The following ANKRD50 variants were observed in gnomAD, a reference collection of about 807,000 sequenced individuals.
The protein encoded by ANKRD50 is ankyrin repeat domain 50.
In ANKRD50, 40 loss-of-function variants were observed where a neutral mutation model predicts 112.0. The ratio of observed to expected loss-of-function variants is 0.36; its 90% CI spans 0.28 to 0.46. ANKRD50 has a LOEUF of 0.46. Ranked by LOEUF, ANKRD50 falls within the 20% of genes least tolerant of loss-of-function variation. The pLI is 1.00. For missense variants in ANKRD50, 1,487 were observed against 1,701.7 expected (o/e 0.87, Z 2.22); for synonymous variants, 613 against 619.1 (o/e 0.99, Z 0.15).
chr4:124,701,869 C>A (rs1317116809), intron 2 of ANKRD50, among the ~76,000 whole-genome samples: 1 of 151,254 alleles, frequency 6.6e-6, no homozygotes, highest in African/African-American at 2.4e-5. Context: ...TCATAAAAAT[C>A]AAACCATTTT....
rs10018651 is a variant in ANKRD50, at chr4:124,670,910, C to A, written c.2367G>T (p.Ala789=). 0.23 allele frequency: 372,072 copies of A among 1,613,542 alleles called. 44,441 individuals are homozygous for A. The highest frequency in any genetic ancestry group is 0.37 in the African/African-American group (27,563 of 74,856). Residue 789 remains alanine, a synonymous_variant, in exon 4 of 5, where the codon GCG becomes GCT. Transcript: ENST00000504087. The part of the protein sequence containing the change: ...NNGRTPLLAA[A]SMGHASVVNT... ...TTACAACTGATGCATGACCCATAGA[C>A]GCTGCTGCTAAGAGGGGTGTACGGC...
At chr4:124,711,658 G>C (rs1324510668) in intron 1 of ANKRD50, among the ~76,000 whole-genome samples, 1 of 151,886 alleles carries the variant, frequency 6.6e-6, no homozygotes, top group African/African-American at 2.4e-5. Context: ...ACACAGTCCA[G>C]TCAGTCAAGG....
At chr4:124,689,747 G>C (rs975138309) in intron 2 of ANKRD50, among the ~76,000 whole-genome samples, 2 of 152,158 alleles carry the variant, frequency 1.3e-5, no homozygotes, top group Non-Finnish European at 2.9e-5. Context: ...TGGGTTTGCA[G>C]CTTGTTGACT....
At chr4:124,687,955 C>G (rs191701199) in intron 2 of ANKRD50, among the ~76,000 whole-genome samples, 1 of 152,192 alleles carries the variant, frequency 6.6e-6, no homozygotes, top group Non-Finnish European at 1.5e-5. Flanking sequence ...GTTAAAGATA[C>G]ACCTACTACA....
At position 124,671,161 on chromosome 4, in the gene ANKRD50, C is replaced by A; in HGVS notation, c.2116G>T (p.Glu706Ter). 1 of 1,613,938 alleles carries A rather than the reference C, an allele frequency of 6.2e-7. No homozygotes were observed. Among genetic ancestry groups the A allele is most frequent in the Non-Finnish European group, 8.5e-7 (1 of 1,179,880 alleles). Residue 706 changes from glutamate (E) to a stop codon, truncating the protein, a stop_gained, in exon 4 of 5, where the codon GAG (glutamate) becomes TAG (stop). Coordinates refer to ENST00000504087, the MANE Select transcript of ANKRD50 (RefSeq NM_020337.3). LOFTEE classifies it high-confidence loss of function. ...AGTGCAGTCCTGCCATCAACATCCT[C>A]ATGATTTACTTCTGCTCCATGGTCC... ...LLDHGAEVNH[E>*]DVDGRTALSV...
chr4:124,674,139 C>G (rs1038179952), intron 3 of ANKRD50, among the ~76,000 whole-genome samples: 1 of 151,798 alleles, frequency 6.6e-6, no homozygotes, highest in Admixed American at 6.6e-5. Context: ...AAGGGAAATA[C>G]CTAGTACATT....
chr4:124,692,933 C>T (rs1191681695), intron 2 of ANKRD50, among the ~76,000 whole-genome samples: 2 of 152,148 alleles, frequency 1.3e-5, no homozygotes, highest in African/African-American at 2.4e-5. Context: ...TTATCCCTCA[C>T]CCAAATCCTG....
intron 2 of ANKRD50, among the ~76,000 whole-genome samples, chr4:124,693,566 T>C (rs1560828186): frequency 2.0e-5 from 3 of 152,162 alleles, no homozygotes; most frequent in South Asian, 4.1e-4. Flanking sequence ...TTTATTCAGT[T>C]ACCCCTTATA....
intron 2 of ANKRD50, among the ~76,000 whole-genome samples, chr4:124,696,555 C>T (rs1000393398): frequency 6.6e-6 from 1 of 152,006 alleles, no homozygotes; most frequent in East Asian, 1.9e-4. Context: ...TACCAAGAAA[C>T]CACATTTTGG....
chr4:124,690,129 CA>C (rs1203985007), intron 2 of ANKRD50, among the ~76,000 whole-genome samples: 3 of 152,004 alleles, frequency 2.0e-5, no homozygotes, highest in Non-Finnish European at 2.9e-5. Flanking sequence ...CAAAAACAAA[CA>C]AAAAATTCAT....
At chr4:124,687,602 G>T (rs535706248) in intron 2 of ANKRD50, among the ~76,000 whole-genome samples, 2 of 152,210 alleles carry the variant, frequency 1.3e-5, no homozygotes, top group Admixed American at 1.3e-4. Flanking sequence ...AAGACTGGGA[G>T]AAAATATTCG....
At chr4:124,690,093 C>T (rs117288902) in intron 2 of ANKRD50, among the ~76,000 whole-genome samples, 1,528 of 152,136 alleles carry the variant, frequency 0.01, 48 homozygotes, top group East Asian at 0.08. Context: ...AATTAAGCTG[C>T]TACCAAAGGA....
In ANKRD50 at chr4:124,678,696, G is replaced by C. The variant is rs1411915246; in HGVS notation, c.722C>G (p.Ala241Gly). The C allele has an allele frequency of 6.2e-7, 1 of 1,613,502 alleles. No homozygotes were observed. The highest frequency in any genetic ancestry group is 8.5e-7 in the Non-Finnish European group (1 of 1,179,536). The stretch of plus-strand genomic sequence containing the variant: ...CTTACCAGTAAACATTTTAGTAACA[G>C]CCTTACTCTGCTTTCGGGCAGAACA... ...LLCSARKQSK[A>G]VTKMFTGFRK... Residue 241 changes from alanine (A) to glycine (G), a missense_variant, in exon 3 of 5, where the codon GCT (alanine) becomes GGT (glycine). Ala to Gly is a moderately conservative substitution (Grantham distance 60). This residue lies in a region of ANKRD50 where 1,046 missense variants were observed against 1,269.5 expected (regional missense o/e 0.82). Coordinates refer to ENST00000504087, the MANE Select transcript of ANKRD50 (RefSeq NM_020337.3).
chr4:124,706,760 C>T (rs1208879614), intron 2 of ANKRD50, among the ~76,000 whole-genome samples: 2 of 152,062 alleles, frequency 1.3e-5, no homozygotes, highest in Non-Finnish European at 2.9e-5. Flanking sequence ...CATCTGATAA[C>T]TCTCAACCTA....
In ANKRD50 at chr4:124,665,745, C is replaced by G. The variant is rs1416389638; in HGVS notation, c.*1773G>C. ...TTGAGTTATTAATATTGCCATGTCACCTTAATATCAATTGAACTTATCAAC... is the reference window on the plus strand; with the variant it reads ...TTGAGTTATTAATATTGCCATGTCAGCTTAATATCAATTGAACTTATCAAC... On this transcript the variant is annotated 3_prime_UTR_variant, in exon 5 of 5. Coordinates refer to ENST00000504087, the MANE Select transcript of ANKRD50 (RefSeq NM_020337.3). 2 of 152,278 alleles carry G rather than the reference C, an allele frequency of 1.3e-5. No individual in the cohort carries two copies. The highest frequency in any genetic ancestry group is 2.4e-5 in the African/African-American group (1 of 41,386). 9.4% of individuals were successfully genotyped at this position (152,278 alleles called of 1,614,324 possible).
At position 124,670,054 on chromosome 4, in the gene ANKRD50, C is replaced by G; in HGVS notation, c.3223G>C (p.Asp1075His). ...CGCATAGCAGTGCGTCCAAATTGAT[C>G]AGCATGGTTTGGATCAGCACCATGC... Reference protein sequence around the residue: ...LEHGADPNHADQFGRTAMRVA... With the variant: ...LEHGADPNHAHQFGRTAMRVA... The change falls in exon 4 of 5, where the codon GAT becomes CAT. Residue 1075 changes from aspartate to histidine, a missense_variant. By Grantham distance (81) the Asp-to-His change is moderately conservative. Transcript: ENST00000504087. 1.2e-6 allele frequency: 2 copies of G among 1,611,942 alleles called. No individual in the cohort carries two copies. Among genetic ancestry groups the G allele is most frequent in the Non-Finnish European group, 1.7e-6 (2 of 1,179,442 alleles).
At chr4:124,691,987 T>C (rs193237898) in intron 2 of ANKRD50, among the ~76,000 whole-genome samples, 315 of 152,304 alleles carry the variant, frequency 2.1e-3, no homozygotes, top group African/African-American at 7.3e-3. Context: ...CCTGACGTCA[T>C]GGGACAAGCC....
At position 124,671,223 on chromosome 4, in the gene ANKRD50, G is replaced by A. The variant is rs1279958575; in HGVS notation, c.2054C>T (p.Ala685Val). ...CACAATCTCTCTATGTCCCATGTAT[G>A]CTGCTGCTATCAAAGCAGTTCTACC... ...NEGRTALIAA[A>V]YMGHREIVEH... Residue 685 changes from alanine (A) to valine (V), a missense_variant, in exon 4 of 5, where the codon GCA (alanine) becomes GTA (valine). Ala to Val is a moderately conservative substitution (Grantham distance 64). Around this residue, in one of 2 missense-constraint regions of ANKRD50, gnomAD observed 1,046 missense variants for 1,269.5 expected, o/e 0.82. Coordinates refer to ENST00000504087, the MANE Select transcript of ANKRD50 (RefSeq NM_020337.3). The A allele has an allele frequency of 1.2e-6, 2 of 1,613,876 alleles. No homozygotes were observed. The highest frequency in any genetic ancestry group is 1.7e-6 in the Non-Finnish European group (2 of 1,179,866).
chr4:124,670,018 T>C lies in ANKRD50; in HGVS notation c.3259A>G (p.Lys1087Glu), dbSNP rs1338378269. The change falls in exon 4 of 5, where the codon AAA becomes GAA. Residue 1087 changes from lysine (K) to glutamate (E), a missense_variant. Physicochemically the swap from Lys to Glu is moderately conservative, Grantham distance 56 (BLOSUM62 1). This residue lies in a region of ANKRD50 where 441 missense variants were observed against 432.2 expected (regional missense o/e 1.02). Coordinates refer to ENST00000504087, the MANE Select transcript of ANKRD50 (RefSeq NM_020337.3). ...TTAATTATCTGAGAATGTCCATTTT[T>C]GGCTGCAACACGCATAGCAGTGCGT... The part of the protein sequence containing the change: ...FGRTAMRVAA[K>E]NGHSQIIKLL... 9 of 1,610,424 alleles carry C rather than the reference T, an allele frequency of 5.6e-6. No homozygotes were observed. Among genetic ancestry groups the C allele is most frequent in the Non-Finnish European group, 7.6e-6 (9 of 1,179,154 alleles).
Sources: gnomAD v4.1 joint callset for allele counts (sites outside exome capture counted in the v4.1 genomes callset) on GRCh38, gnomAD v4.1.1 for gene constraint, gnomAD v4.1.1 regional missense constraint, MANE v1.5 for transcripts, NCBI Gene and HGNC (gene_info 2026-07-23, HGNC 2026-07-21) for gene names.